Variants in PTPN4 observed in about 807,000 individuals in gnomAD.
PTPN4 encodes the protein protein tyrosine phosphatase non-receptor type 4.
In PTPN4, 49 loss-of-function variants were observed where a neutral mutation model predicts 135.5. The observed-to-expected ratio is 0.36, with a 90% CI of 0.29 to 0.46. The LOEUF is 0.46. Among genes scored for constraint, PTPN4 ranks in the 20% least tolerant of loss-of-function variants. The pLI is 1.00. For synonymous variants in PTPN4, 333 were observed against 369.9 expected, an observed-to-expected ratio of 0.90 and a Z score of 1.14; for missense variants, 860 against 1,101.0, an observed-to-expected ratio of 0.78 and a Z score of 3.10.
chr2:119,782,442 C>G (rs1690958393), intron 1 of PTPN4, among the ~76,000 whole-genome samples: 1 of 152,000 alleles, frequency 6.6e-6, no homozygotes, highest in South Asian at 2.1e-4. Flanking sequence ...AAAAAAAATT[C>G]TTAAGTTATA....
chr2:119,861,268 G>A (rs960726730), intron 2 of PTPN4, among the ~76,000 whole-genome samples: 1 of 152,052 alleles, frequency 6.6e-6, no homozygotes, highest in African/African-American at 2.4e-5. Context: ...TCGCTCCCTT[G>A]AGAATTAACC....
chr2:119,836,517 T>A (rs2104966791), intron 2 of PTPN4, among the ~76,000 whole-genome samples: 2 of 152,314 alleles, frequency 1.3e-5, no homozygotes, highest in African/African-American at 4.8e-5. Context: ...GACGCGCAGC[T>A]GGGGCTGTGC....
chr2:119,973,652 C>CTTTTT (rs1553481271), intron 26 of PTPN4, among the ~76,000 whole-genome samples: 21 of 18,070 alleles, frequency 1.2e-3, no homozygotes, highest in South Asian at 5.8e-3. Flanking sequence ...TCCTTCATTT[C>CTTTTT]TTGTTTTTTT....
chr2:119,812,080 T>A (rs968032468), intron 2 of PTPN4, among the ~76,000 whole-genome samples: 12 of 152,176 alleles, frequency 7.9e-5, no homozygotes, highest in Non-Finnish European at 5.9e-5. Flanking sequence ...GTGGTATATT[T>A]ATTCCTCTGG....
At chr2:119,839,849 CT>C (rs1482578093) in intron 2 of PTPN4, among the ~76,000 whole-genome samples, 1 of 152,038 alleles carries the variant, frequency 6.6e-6, no homozygotes, top group Non-Finnish European at 1.5e-5. Context: ...CAGTATGCAG[CT>C]TGCTTAGAGA....
chr2:119,766,449 CGTGTGTGTGTGT>C (rs745803520), intron 1 of PTPN4, among the ~76,000 whole-genome samples: 7 of 130,996 alleles, frequency 5.3e-5, no homozygotes, highest in East Asian at 4.1e-4. Flanking sequence ...CATGTGCGCG[CGTGTGTGTGTGT>C]GTGTGTGTGT....
At chr2:119,817,240 G>T (rs1031183452) in intron 2 of PTPN4, among the ~76,000 whole-genome samples, 1 of 151,616 alleles carries the variant, frequency 6.6e-6, no homozygotes, top group South Asian at 2.1e-4. Flanking sequence ...TTTGTATATG[G>T]CTTAAGGAAG....
intron 1 of PTPN4, among the ~76,000 whole-genome samples, chr2:119,792,961 G>A (rs1691176858): frequency 6.6e-6 from 1 of 152,210 alleles, no homozygotes; most frequent in Non-Finnish European, 1.5e-5. Flanking sequence ...AATGGGCAGG[G>A]CAAGGTCACA....
At chr2:119,900,894 T>A (rs1678392742) in intron 10 of PTPN4, 88 bp downstream of exon 10, 2 of 735,238 alleles carry the variant, frequency 2.7e-6, no homozygotes, top group Non-Finnish European at 4.1e-6. Flanking sequence ...TTGAACTATT[T>A]TAATGTTGTC....
chr2:119,912,737 A>G (rs181937277), intron 10 of PTPN4, among the ~76,000 whole-genome samples: 9 of 152,320 alleles, frequency 5.9e-5, no homozygotes, highest in Admixed American at 5.9e-4. Flanking sequence ...TCTATGTACC[A>G]TAAATTTGCC....
At chr2:119,839,960 T>A (rs569575862) in intron 2 of PTPN4, among the ~76,000 whole-genome samples, 3 of 152,296 alleles carry the variant, frequency 2.0e-5, no homozygotes, top group Admixed American at 2.0e-4. Context: ...GAAGGCCATT[T>A]AATTCAGACT....
intron 1 of PTPN4, among the ~76,000 whole-genome samples, chr2:119,774,489 G>C (rs1326352742): frequency 6.6e-6 from 1 of 152,156 alleles, no homozygotes; most frequent in Non-Finnish European, 1.5e-5. Flanking sequence ...TGAAAATGCA[G>C]CTTTTATATT....
At chr2:119,918,887 A>G (rs1678697413) in intron 11 of PTPN4, among the ~76,000 whole-genome samples, 1 of 152,246 alleles carries the variant, frequency 6.6e-6, no homozygotes, top group Admixed American at 6.5e-5. Flanking sequence ...ATAATAGAGT[A>G]CTATGGAAAT....
At chr2:119,834,068 G>A (rs1356080144) in intron 2 of PTPN4, among the ~76,000 whole-genome samples, 1 of 152,084 alleles carries the variant, frequency 6.6e-6, no homozygotes, top group Non-Finnish European at 1.5e-5. Context: ...ATATTTATGG[G>A]TACATATGAT....
intron 25 of PTPN4, 75 bp from the exon 26 acceptor site, chr2:119,967,762 G>GT (rs1174965944): frequency 2.3e-5 from 29 of 1,234,458 alleles, no homozygotes; most frequent in Non-Finnish European, 3.0e-5. Flanking sequence ...TTATAATTCA[G>GT]TTTTATGCAC....
intron 2 of PTPN4, among the ~76,000 whole-genome samples, chr2:119,842,067 G>A (rs1677389380): frequency 6.6e-6 from 1 of 152,202 alleles, no homozygotes; most frequent in Non-Finnish European, 1.5e-5. Flanking sequence ...TACAACATAT[G>A]ATTTCATTTA....
At chr2:119,885,664 A>C (rs989475360) in intron 8 of PTPN4, 131 bp from the exon 9 acceptor site, 2 of 509,680 alleles carry the variant, frequency 3.9e-6, no homozygotes, top group Non-Finnish European at 3.4e-6. Flanking sequence ...TTAGAGGAGT[A>C]GTCCTGCATG....
intron 2 of PTPN4, 129 bp downstream of exon 2, chr2:119,810,120 G>C: frequency 9.1e-7 from 1 of 1,099,804 alleles, no homozygotes; most frequent in Non-Finnish European, 1.2e-6. Flanking sequence ...AGTCTTTTTG[G>C]TGCAGGATTG....
At chr2:119,842,513 C>T (rs1457945321) in intron 2 of PTPN4, among the ~76,000 whole-genome samples, 1 of 152,148 alleles carries the variant, frequency 6.6e-6, no homozygotes, top group Admixed American at 6.5e-5. Flanking sequence ...TGGAAATCCA[C>T]TCAACACAAG....
Sources: gnomAD v4.1 joint callset for allele counts (sites outside exome capture counted in the v4.1 genomes callset) on GRCh38, gnomAD v4.1.1 for gene constraint, MANE v1.5 for transcripts, NCBI Gene and HGNC (gene_info 2026-07-23, HGNC 2026-07-21) for gene names.